The following HEATR3 variants were observed in gnomAD, a reference collection of about 807,000 sequenced individuals.
HEATR3 encodes HEAT repeat-containing protein 3.
Under a neutral mutation model 72.8 loss-of-function variants are expected in HEATR3, and 56 were observed. The observed-to-expected ratio is 0.77, with a 90% CI of 0.62 to 0.96. HEATR3 has a LOEUF of 0.96. HEATR3 is among the 40% of genes least tolerant of loss of function. The pLI, the probability that HEATR3 is intolerant of heterozygous loss-of-function variation, is 0.00. For synonymous variants in HEATR3, 331 were observed against 318.1 expected (o/e 1.04, Z -0.43); for missense variants, 747 against 831.4 (o/e 0.90, Z 1.25).
chr16:50,091,073 G>A (rs979395376), intron 11 of HEATR3, among the ~76,000 whole-genome samples: 23 of 152,098 alleles, frequency 1.5e-4, no homozygotes, highest in Admixed American at 8.5e-4. Flanking sequence ...GAACCTGGGC[G>A]GTGAAGATTG....
intron 11 of HEATR3, among the ~76,000 whole-genome samples, chr16:50,092,765 T>C (rs2037148517): frequency 6.6e-6 from 1 of 152,168 alleles, no homozygotes; most frequent in Non-Finnish European, 1.5e-5. Context: ...TTAGCTTGTA[T>C]TTATTGAATG....
At chr16:50,094,580 T>C in intron 11 of HEATR3, 125 bp from the exon 12 acceptor site, 1 of 428,622 alleles carries the variant, frequency 2.3e-6, no homozygotes, top group East Asian at 3.9e-5. Flanking sequence ...GGGTTTTTTT[T>C]TGTTTGTTTG....
At position 50,078,849 on chromosome 16, in the gene HEATR3, T is replaced by C. The variant is rs1392416015; in HGVS notation, c.872T>C (p.Met291Thr). The change falls in exon 7 of 15, where the codon ATG (methionine) becomes ACG (threonine). Residue 291 changes from methionine to threonine, a missense_variant. Coordinates refer to ENST00000299192, the MANE Select transcript of HEATR3 (RefSeq NM_182922.4). ...SEVLGMDAGE[M>T]VIQMKEAETQ... ...GTTTTGGGAATGGATGCTGGTGAAATGGTTATTCAAATGAAAGAGGCTGAA... is the reference window on the plus strand; with the variant it reads ...GTTTTGGGAATGGATGCTGGTGAAACGGTTATTCAAATGAAAGAGGCTGAA... 6.2e-7 allele frequency: 1 copy of C among 1,613,962 alleles called. No individual in the cohort carries two copies.
chr16:50,073,040 C>G, intron 5 of HEATR3: 1 of 252,178 alleles, frequency 4.0e-6, no homozygotes. Context: ...TAACGCACAA[C>G]TACCAGGCCT....
chr16:50,089,310 C>T lies in HEATR3; in HGVS notation c.1510+2959C>T, dbSNP rs189132347. 3.8e-3 allele frequency among the ~76,000 whole-genome samples: 575 copies of T among 151,892 alleles called. 3 individuals carry two copies. Among genetic ancestry groups the T allele is most frequent in the African/African-American group, 0.013 (549 of 41,406 alleles). On this transcript the variant is annotated intron_variant, in intron 11 of 14. Coordinates refer to ENST00000299192, the MANE Select transcript of HEATR3 (RefSeq NM_182922.4). Reference sequence around the variant, plus strand: ...GTCTTGATGATATTTATGTAGAAATCGCCTACCACACGTTACTGTCACAAC... The same window carrying T: ...GTCTTGATGATATTTATGTAGAAATTGCCTACCACACGTTACTGTCACAAC...
intron 4 of HEATR3, among the ~76,000 whole-genome samples, 179 bp from the exon 5 acceptor site, chr16:50,072,426 C>G (rs1426180486): frequency 6.6e-6 from 1 of 152,168 alleles, no homozygotes; most frequent in Non-Finnish European, 1.5e-5. Context: ...TATAGATAGC[C>G]AGTTCTCATG....
intron 11 of HEATR3, among the ~76,000 whole-genome samples, chr16:50,091,864 ACT>A (rs914195103): frequency 3.3e-4 from 48 of 145,664 alleles, no homozygotes; most frequent in African/African-American, 1.0e-3. Flanking sequence ...ACAGAGCGAG[ACT>A]CTGTCTCAAA....
At chr16:50,091,987 A>G (rs2037123202) in intron 11 of HEATR3, among the ~76,000 whole-genome samples, 2 of 152,122 alleles carry the variant, frequency 1.3e-5, no homozygotes, top group South Asian at 4.1e-4. Context: ...GGCTATACCT[A>G]GAGCTTTAAT....
chr16:50,080,187 G>A (rs7191639), intron 7 of HEATR3: 34,905 of 152,028 alleles, frequency 0.23, 4,302 homozygotes, highest in African/African-American at 0.31. Context: ...GTGATGTCTC[G>A]GGAAGCGTAA....
At chr16:50,070,139 C>T in intron 3 of HEATR3, 39 bp from the exon 4 acceptor site, 1 of 1,025,566 alleles carries the variant, frequency 9.8e-7, no homozygotes, top group Non-Finnish European at 1.5e-6. Context: ...TTTAATTCTT[C>T]TTAGGAACCA....
chr16:50,073,623 A>G (rs1465574949), intron 5 of HEATR3: 1 of 152,242 alleles, frequency 6.6e-6, no homozygotes, highest in East Asian at 1.9e-4. Context: ...AAAACGATTC[A>G]GCCATTTTTA....
In HEATR3 at chr16:50,105,556, G is replaced by A. The variant is rs978267644; in HGVS notation, c.*495G>A. 4.6e-5 allele frequency: 7 copies of A among 152,222 alleles called. No individual in the cohort carries two copies. The highest frequency in any genetic ancestry group is 1.7e-4 in the African/African-American group (7 of 40,668). The allele number at this position is 152,222 out of a possible 1,614,324, so 9.4% of individuals were successfully genotyped here. A position where few individuals can be genotyped will look rare whatever the true frequency, so the allele number is the denominator to read the frequency against. On this transcript the variant is annotated 3_prime_UTR_variant, in exon 15 of 15. Transcript: ENST00000299192. ...TTTTGTTTGTTTGTTTTGTTTTGTTGTTTTTTTCTTTTTTGAGATGGAGTC... is the reference window on the plus strand; with the variant it reads ...TTTTGTTTGTTTGTTTTGTTTTGTTATTTTTTTCTTTTTTGAGATGGAGTC...
At chr16:50,097,165 A>G (rs1208079581) in intron 12 of HEATR3, among the ~76,000 whole-genome samples, 1 of 152,132 alleles carries the variant, frequency 6.6e-6, no homozygotes, top group Non-Finnish European at 1.5e-5. Flanking sequence ...TCCTATATTT[A>G]TATCACAAAT....
intron 3 of HEATR3, chr16:50,069,331 A>G (rs1228141805): frequency 6.2e-6 from 1 of 160,788 alleles, no homozygotes; most frequent in East Asian, 1.8e-4. Flanking sequence ...TTATTGCATG[A>G]CATAGTCAAG....
intron 11 of HEATR3, among the ~76,000 whole-genome samples, chr16:50,093,670 A>G (rs2111238): frequency 1 from 151,966 of 152,304 alleles, 75,815 homozygotes; most frequent in Middle Eastern, 1. Context: ...CTCGCAGAGT[A>G]TGGGCTGGAA....
intron 2 of HEATR3, among the ~76,000 whole-genome samples, chr16:50,067,552 G>A (rs969964564): frequency 6.6e-6 from 1 of 152,066 alleles, no homozygotes; most frequent in African/African-American, 2.4e-5. Flanking sequence ...GCAGGGGTGG[G>A]TAATTACAGG....
chr16:50,069,138 T>G (rs2036559068), intron 3 of HEATR3: 1 of 265,306 alleles, frequency 3.8e-6, no homozygotes, highest in Non-Finnish European at 7.2e-6. Flanking sequence ...ATAATTAGTA[T>G]TTAGTCATTG....
chr16:50,080,882 CTG>C (rs1269545328), intron 7 of HEATR3, among the ~76,000 whole-genome samples: 1 of 152,110 alleles, frequency 6.6e-6, no homozygotes, highest in African/African-American at 2.4e-5. Flanking sequence ...ATCTGATATA[CTG>C]TGTTTGAAGG....
At chr16:50,079,134 G>C in intron 7 of HEATR3, 116 bp downstream of exon 7, 2 of 993,110 alleles carry the variant, frequency 2.0e-6, no homozygotes, top group South Asian at 1.7e-5. Flanking sequence ...AGTGCGTTTT[G>C]GTAAAAATGA....
Sources: allele counts gnomAD v4.1 joint callset (sites outside exome capture counted in the v4.1 genomes callset), GRCh38; gene constraint gnomAD v4.1.1; transcripts MANE v1.5; gene names NCBI Gene and HGNC (gene_info 2026-07-23, HGNC 2026-07-21).